SVEP1: variants seen among roughly 807,000 people sequenced by gnomAD.
SVEP1 encodes sushi, von Willebrand factor type A, EGF and pentraxin domain-containing protein 1.
A neutral mutation model predicts 367.3 loss-of-function variants in SVEP1; 164 were observed. The observed-to-expected ratio is 0.45, with a 90% CI of 0.39 to 0.51. SVEP1 has a LOEUF of 0.51. SVEP1 is among the 20% of genes least tolerant of loss of function. The pLI is 0.00. For synonymous variants in SVEP1, 1,666 were observed against 1,611.6 expected, an observed-to-expected ratio of 1.03 and a Z score of -0.81; for missense variants, 4,117 against 4,425.3, an observed-to-expected ratio of 0.93 and a Z score of 1.98.
chr9:110,404,702 T>C (rs535883589), intron 38 of SVEP1, 150 bp from the exon 39 acceptor site: 91 of 755,956 alleles, frequency 1.2e-4, no homozygotes, highest in South Asian at 5.1e-5. Context: ...GCGGATGGCA[T>C]TGCCATGCAA....
intron 11 of SVEP1, among the ~76,000 whole-genome samples, 191 bp downstream of exon 11, chr9:110,482,170 G>A (rs4978933): frequency 0.85 from 129,195 of 152,208 alleles, 54,940 homozygotes; most frequent in East Asian, 0.99. Context: ...ACTAAAGACT[G>A]TTCTGGGAGA....
chr9:110,424,185 A>T (rs1003230271), intron 36 of SVEP1, among the ~76,000 whole-genome samples: 2 of 152,214 alleles, frequency 1.3e-5, no homozygotes, highest in African/African-American at 4.8e-5. Flanking sequence ...GTGTGCCAGG[A>T]AACATGCAAG....
At chr9:110,441,176 T>C (rs1411665220) in intron 27 of SVEP1, among the ~76,000 whole-genome samples, 1 of 152,170 alleles carries the variant, frequency 6.6e-6, no homozygotes, top group Non-Finnish European at 1.5e-5. Flanking sequence ...CAAAGGATGA[T>C]AGACCACGTT....
At chr9:110,472,785 C>A (rs767859564) in intron 14 of SVEP1, among the ~76,000 whole-genome samples, 1 of 151,990 alleles carries the variant, frequency 6.6e-6, no homozygotes, top group South Asian at 2.1e-4. Flanking sequence ...ATGCTTTCAT[C>A]ATATTTTAAA....
chr9:110,374,365 A>T (rs1025715569), intron 46 of SVEP1, among the ~76,000 whole-genome samples: 1 of 152,232 alleles, frequency 6.6e-6, no homozygotes, highest in Non-Finnish European at 1.5e-5. Flanking sequence ...AAGTAAAAAA[A>T]TAGGCTGGAT....
At chr9:110,521,396 T>C (rs1010315840) in intron 3 of SVEP1, among the ~76,000 whole-genome samples, 1 of 152,144 alleles carries the variant, frequency 6.6e-6, no homozygotes, top group Non-Finnish European at 1.5e-5. Context: ...TGGCAGGAAA[T>C]GGCACCCTAA....
Position 110,554,285 on chromosome 9 carries a change from T to C in SVEP1, c.532-4181A>G, listed in dbSNP as rs189098598. On this transcript the variant is annotated intron_variant, in intron 1 of 47. Transcript: ENST00000374469. ...CCAATAGAGCTTGAGAGTCTGCTTATGAAATTCTTCACTAAAATGTTTCTA... is the reference window on the plus strand; with the variant it reads ...CCAATAGAGCTTGAGAGTCTGCTTACGAAATTCTTCACTAAAATGTTTCTA... Among the ~76,000 whole-genome samples the C allele has an allele frequency of 1.3e-3, 200 of 152,336 alleles. 1 individual carries two copies. Among genetic ancestry groups the C allele is most frequent in the Admixed American group, 2.5e-3 (38 of 15,300 alleles).
At chr9:110,440,446 A>G (rs1362191913) in intron 27 of SVEP1, among the ~76,000 whole-genome samples, 1 of 152,186 alleles carries the variant, frequency 6.6e-6, no homozygotes, top group African/African-American at 2.4e-5. Flanking sequence ...AGCTACCAAT[A>G]ATGTGCTGTC....
chr9:110,392,153 A>ATATATATATATATATATATC (rs1564128252), intron 40 of SVEP1, among the ~76,000 whole-genome samples: 3 of 147,728 alleles, frequency 2.0e-5, no homozygotes, highest in East Asian at 2.0e-4. Flanking sequence ...ATATATATAT[A>ATATATATATATATATATATC]TCTCTTCTCT....
intron 3 of SVEP1, among the ~76,000 whole-genome samples, chr9:110,541,760 CAT>C (rs1830147917): frequency 6.8e-6 from 1 of 147,856 alleles, no homozygotes; most frequent in Non-Finnish European, 1.5e-5. Flanking sequence ...CATCTATATA[CAT>C]AGATATCTAT....
chr9:110,579,314 T>A lies in SVEP1; in HGVS notation c.230A>T (p.Glu77Val). ...GACAAGCTCCAGGCGCTCGCTGAGC[T>A]CCCGCAGCAGCCGCACGCGTCGCCG... Reference protein sequence around the residue: ...AFRRRVRLLRELSERLELVFL... With the variant: ...AFRRRVRLLRVLSERLELVFL... Residue 77 changes from glutamate (E) to valine (V), a missense_variant, in exon 1 of 48, where the codon GAG becomes GTG. Coordinates refer to ENST00000374469, the MANE Select transcript of SVEP1 (RefSeq NM_153366.4). This position sits in a 1 kb window ranked among gnomAD's most constrained non-coding sequence, Gnocchi z 5.3. 1 of 1,563,040 alleles carries A rather than the reference T, an allele frequency of 6.4e-7. No individual in the cohort carries two copies. Among genetic ancestry groups the A allele is most frequent in the Non-Finnish European group, 8.7e-7 (1 of 1,155,766 alleles).
intron 31 of SVEP1, 120 bp downstream of exon 31, chr9:110,432,342 A>G: frequency 3.0e-6 from 4 of 1,324,766 alleles, no homozygotes; most frequent in Non-Finnish European, 4.1e-6. Flanking sequence ...GCTTGGCCAG[A>G]GCTTACTGGG....
intron 36 of SVEP1, among the ~76,000 whole-genome samples, chr9:110,412,890 A>G (rs1247914449): frequency 6.6e-6 from 1 of 151,910 alleles, no homozygotes; most frequent in Non-Finnish European, 1.5e-5. Flanking sequence ...GTCAGGAAAC[A>G]ACAGGTGCTG....
intron 1 of SVEP1, among the ~76,000 whole-genome samples, chr9:110,554,727 C>T (rs2991365): frequency 0.1 from 15,504 of 148,644 alleles, 967 homozygotes; most frequent in East Asian, 0.31. Context: ...TATAGATGTG[C>T]GTGTGTGTGT....
intron 32 of SVEP1, 93 bp from the exon 33 acceptor site, chr9:110,430,543 C>T: frequency 7.4e-7 from 1 of 1,350,086 alleles, no homozygotes; most frequent in Admixed American, 2.7e-5. Flanking sequence ...GTTAAGAAAC[C>T]TGTTAAAATC....
At chr9:110,367,162 CATAT>C (rs924777109) in intron 47 of SVEP1, among the ~76,000 whole-genome samples, 1 of 151,984 alleles carries the variant, frequency 6.6e-6, no homozygotes, top group Non-Finnish European at 1.5e-5. Context: ...AGGCACTAGG[CATAT>C]ATATATATTT....
Position 110,579,724 on chromosome 9 carries a change from G to T in SVEP1, c.-181C>A. The T allele has an allele frequency of 1.4e-6, 1 of 694,210 alleles. No individual in the cohort carries two copies. The highest frequency in any genetic ancestry group is 2.2e-6 in the Non-Finnish European group (1 of 458,778). The allele number at this position is 694,210 out of a possible 1,614,324, so 43.0% of individuals were successfully genotyped here. A position where few individuals can be genotyped will look rare whatever the true frequency, so the allele number is the denominator to read the frequency against. On this transcript the variant is annotated 5_prime_UTR_variant, in exon 1 of 48. Transcript: ENST00000374469. This position sits in a 1 kb window ranked among gnomAD's most constrained non-coding sequence, Gnocchi z 5.3. ...CACAATCCAGACTCCTCAGCAGCTC[G>T]GGAACTCCGGAGGGAACGGCGCGCG...
rs185633813 is a variant in SVEP1, at chr9:110,400,961, C to T, written c.9715G>A (p.Val3239Ile). The T allele has an allele frequency of 2.9e-3, 4,703 of 1,613,884 alleles. 15 individuals carry two copies. Among genetic ancestry groups the T allele is most frequent in the South Asian group, 5.6e-3 (514 of 91,080 alleles). The stretch of plus-strand genomic sequence containing the variant: ...GGACTTTCAGGTTTCCCACAAGAAA[C>T]TGGACTGCAAGATTCATCGGAGAAT... ...PPFSDESCSP[V>I]SCGKPESPEH... Residue 3239 changes from valine to isoleucine, a missense_variant, in exon 40 of 48, where the codon GTT becomes ATT. Val to Ile is a conservative substitution (Grantham distance 29). Transcript: ENST00000374469.
rs775531723 is a variant in SVEP1 at position 110,513,152 on chromosome 9, CTATGACA to C, written c.1124-54_1124-48del. 1.1e-5 allele frequency: 17 copies of C among 1,515,580 alleles called. No homozygotes were observed. In the East Asian group the frequency reaches 2.7e-4, roughly 24 times the overall value. The allele number at this position is 1,515,580 out of a possible 1,614,324, so 93.9% of individuals were successfully genotyped here. ...TTGAAAAGCAAAGTTAGCCTTTTGT[CTATGACA>C]TATCCTTTTTTTTTTTTCTTTCAAG... On this transcript the variant is annotated intron_variant, in intron 4 of 47. Coordinates refer to ENST00000374469, the MANE Select transcript of SVEP1 (RefSeq NM_153366.4).
Sources: gnomAD v4.1 joint callset for allele counts (sites outside exome capture counted in the v4.1 genomes callset) on GRCh38, gnomAD v4.1.1 for gene constraint, Gnocchi (gnomAD v3.1) non-coding constraint, MANE v1.5 for transcripts, NCBI Gene and HGNC (gene_info 2026-07-23, HGNC 2026-07-21) for gene names.